CASK: variants seen among roughly 807,000 people sequenced by gnomAD.
The protein encoded by CASK is peripheral plasma membrane protein CASK.
Under a neutral mutation model 82.9 loss-of-function variants are expected in CASK, and 4 were observed. That is an observed-to-expected ratio of 0.05 (90% CI 0.02 to 0.11). The LOEUF (loss-of-function observed/expected upper bound fraction) is 0.11, where lower values mean the gene tolerates loss of function less well. CASK is among the 10% of genes least tolerant of loss of function. The pLI, the probability that CASK is intolerant of heterozygous loss-of-function variation, is 1.00. For missense variants in CASK, 358 were observed against 720.9 expected, an observed-to-expected ratio of 0.50 and a Z score of 5.76; for synonymous variants, 259 against 253.5, an observed-to-expected ratio of 1.02 and a Z score of -0.20.
chrX:41,843,291 C>T (rs1438131976), intron 2 of CASK, among the ~76,000 whole-genome samples: 1 of 111,529 alleles, frequency 9.0e-6, no homozygotes, highest in Non-Finnish European at 1.9e-5. Flanking sequence ...TAAAGTTAGA[C>T]TTTGGTTTTT....
intron 1 of CASK, among the ~76,000 whole-genome samples, chrX:41,912,790 T>TTTTATATA (rs757109963): frequency 3.1e-5 from 3 of 97,938 alleles, no homozygotes; most frequent in South Asian, 4.7e-4. Context: ...TGCAAGTAAT[T>TTTTATATA]TATATATATA....
At chrX:41,616,382 C>T (rs1178284072) in intron 11 of CASK, among the ~76,000 whole-genome samples, 1 of 111,214 alleles carries the variant, frequency 9.0e-6, no homozygotes, top group Non-Finnish European at 1.9e-5. Flanking sequence ...AACTGAGCTT[C>T]AGAAGGTTCA....
intron 2 of CASK, among the ~76,000 whole-genome samples, chrX:41,824,586 C>G (rs1211214108): frequency 2.7e-5 from 3 of 112,176 alleles, no homozygotes; most frequent in African/African-American, 9.7e-5. Flanking sequence ...CCTTCAGGTG[C>G]CTTTACAGCA....
chrX:41,586,432 T>C (rs1361220700), intron 14 of CASK: 1 of 114,577 alleles, frequency 8.7e-6, no homozygotes, highest in Non-Finnish European at 1.8e-5. Flanking sequence ...TGTTTAGCTA[T>C]TTAGCTTTAT....
At chrX:41,780,432 G>A (rs967438709) in intron 3 of CASK, among the ~76,000 whole-genome samples, 6 of 111,142 alleles carry the variant, frequency 5.4e-5, no homozygotes, top group Non-Finnish European at 1.1e-4. Context: ...TGACCTGCCC[G>A]GTCAGAACTC....
In CASK at chrX:41,837,352, C is replaced by G. The variant is rs189837559; in HGVS notation, c.172+15763G>C. On this transcript the variant is annotated intron_variant, in intron 2 of 26. Coordinates refer to ENST00000378163, the MANE Select transcript of CASK (RefSeq NM_001367721.1). ...ACATGCACTCATGTGTCTATGTGCA[C>G]AGCTATTCAATTTTATCGCCATGTG... is the stretch of plus-strand genomic sequence containing the variant. Among the ~76,000 whole-genome samples, 5 of 111,500 alleles carry G rather than the reference C, an allele frequency of 4.5e-5. No individual in the cohort carries two copies. The Admixed American group carries it at 4.8e-4, about 11-fold the overall frequency.
In CASK at chrX:41,577,652, T is replaced by C. The variant is rs141106250; in HGVS notation, c.1503+688A>G. On this transcript the variant is annotated intron_variant, in intron 15 of 26. Coordinates refer to ENST00000378163, the MANE Select transcript of CASK (RefSeq NM_001367721.1). ...GCCTTTTTACTACCAGGTTTACACATGTGCTATTTGGTTTGCTGAATAGTA... is the reference window on the plus strand; with the variant it reads ...GCCTTTTTACTACCAGGTTTACACACGTGCTATTTGGTTTGCTGAATAGTA... Among the ~76,000 whole-genome samples, 531 of 111,538 alleles carry C rather than the reference T, an allele frequency of 4.8e-3. 4 individuals carry two copies. Among genetic ancestry groups the C allele is most frequent in the African/African-American group, 0.017 (509 of 30,706 alleles).
At chrX:41,676,998 G>T (rs2067277358) in intron 5 of CASK, among the ~76,000 whole-genome samples, 1 of 110,839 alleles carries the variant, frequency 9.0e-6, no homozygotes, top group Admixed American at 9.6e-5. Context: ...GGAGGAGTTT[G>T]TAAGGTGGAT....
intron 8 of CASK, among the ~76,000 whole-genome samples, chrX:41,644,451 A>T (rs1232621774): frequency 3.6e-5 from 4 of 112,087 alleles, no homozygotes; most frequent in Non-Finnish European, 7.5e-5. Flanking sequence ...TCTTTACTTT[A>T]ATCTCTTAAT....
At chrX:41,712,607 T>C (rs1430212565) in intron 5 of CASK, among the ~76,000 whole-genome samples, 1 of 112,798 alleles carries the variant, frequency 8.9e-6, no homozygotes, top group Non-Finnish European at 1.9e-5. Context: ...GGAAGGAATT[T>C]AATTTATAGT....
intron 2 of CASK, among the ~76,000 whole-genome samples, chrX:41,805,823 C>T (rs1266527058): frequency 9.0e-6 from 1 of 111,052 alleles, no homozygotes; most frequent in African/African-American, 3.3e-5. Flanking sequence ...GGAGAGACAC[C>T]ATATTCAAAG....
chrX:41,604,768 T>C (rs1263541012), intron 12 of CASK, among the ~76,000 whole-genome samples: 3 of 112,321 alleles, frequency 2.7e-5, no homozygotes, highest in Non-Finnish European at 5.6e-5. Flanking sequence ...GACCAAGCAG[T>C]TCCTCATGCC....
At chrX:41,774,965 A>AT (rs1304107614) in intron 3 of CASK, among the ~76,000 whole-genome samples, 1 of 111,774 alleles carries the variant, frequency 8.9e-6, no homozygotes, top group East Asian at 2.8e-4. Flanking sequence ...CATTCAGGAC[A>AT]AGGCATGGGC....
At chrX:41,777,812 G>T (rs980208725) in intron 3 of CASK, among the ~76,000 whole-genome samples, 1 of 111,966 alleles carries the variant, frequency 8.9e-6, no homozygotes, top group South Asian at 3.7e-4. Context: ...ATCTAAGTAT[G>T]ATGTATGTAT....
intron 25 of CASK, among the ~76,000 whole-genome samples, chrX:41,525,756 A>T (rs1193295615): frequency 8.9e-6 from 1 of 111,861 alleles, no homozygotes; most frequent in Admixed American, 9.5e-5. Context: ...GGCTGAAGGG[A>T]CTCTCTTAGC....
In CASK at chrX:41,610,177, C is replaced by T. The variant is rs2066023555; in HGVS notation, c.1034-152G>A. ...CTGAAGGATAGACTTAAATGAGTTT[C>T]ATATAATTTAAGGACACAGTATTTT... On this transcript the variant is annotated intron_variant, in intron 11 of 26. Transcript: ENST00000378163. 26 of 540,728 alleles carry T rather than the reference C, an allele frequency of 4.8e-5. No homozygotes were observed. In the South Asian group the frequency reaches 6.1e-4, roughly 13 times the overall value. The allele number at this position is 540,728 out of a possible 1,213,427, so 44.6% of individuals were successfully genotyped here. A position where few individuals can be genotyped will look rare whatever the true frequency, so the allele number is the denominator to read the frequency against.
intron 8 of CASK, among the ~76,000 whole-genome samples, chrX:41,650,856 C>T (rs1346570303): frequency 2.7e-5 from 3 of 111,550 alleles, no homozygotes; most frequent in Non-Finnish European, 3.8e-5. Flanking sequence ...TTTATAAATA[C>T]ACATGGACAA....
chrX:41,725,196 G>A (rs1220605646), intron 5 of CASK, among the ~76,000 whole-genome samples: 2 of 111,636 alleles, frequency 1.8e-5, no homozygotes, highest in Non-Finnish European at 3.8e-5. Context: ...TAAGAATCTT[G>A]TTATTTAAAC....
At chrX:41,698,407 G>A (rs973408481) in intron 5 of CASK, among the ~76,000 whole-genome samples, 1 of 111,781 alleles carries the variant, frequency 8.9e-6, no homozygotes, top group Middle Eastern at 4.6e-3. Flanking sequence ...AAAAGAAAGC[G>A]GTCTTAGTCT....
Sources: allele counts gnomAD v4.1 joint callset (sites outside exome capture counted in the v4.1 genomes callset), GRCh38; gene constraint gnomAD v4.1.1; transcripts MANE v1.5; gene names NCBI Gene and HGNC (gene_info 2026-07-23, HGNC 2026-07-21).